The following AVEN variants were observed in gnomAD, a reference collection of about 807,000 sequenced individuals.
AVEN encodes the protein cell death regulator Aven.
In AVEN, 41 loss-of-function variants were observed where a neutral mutation model predicts 38.1. The observed-to-expected ratio is 1.08, with a 90% CI of 0.84 to 1.40. The LOEUF (loss-of-function observed/expected upper bound fraction) is 1.40. Ranked by LOEUF, AVEN falls within the 40% of genes most tolerant of loss-of-function variation. AVEN has a pLI of 0.00. For synonymous variants in AVEN, 206 were observed against 171.8 expected (o/e 1.20, Z -1.56); for missense variants, 605 against 438.8 (o/e 1.38, Z -3.38).
intron 1 of AVEN, among the ~76,000 whole-genome samples, chr15:34,073,894 C>CAGACATGTACAGCTTAGTTACATGTAG (rs1900681357): frequency 6.6e-6 from 1 of 151,956 alleles, no homozygotes; most frequent in Admixed American, 6.5e-5. Context: ...CTGTTACATG[C>CAGACATGTACAGCTTAGTTACATGTAG]ACCCAGTACA....
intron 5 of AVEN, among the ~76,000 whole-genome samples, chr15:34,055,136 G>A (rs936658830): frequency 1.3e-5 from 2 of 149,002 alleles, no homozygotes; most frequent in Non-Finnish European, 1.5e-5. Context: ...CGATTGCGGT[G>A]AGCCGAGATC....
intron 5 of AVEN, among the ~76,000 whole-genome samples, chr15:34,058,975 C>A (rs886065368): frequency 2.0e-5 from 3 of 152,202 alleles, no homozygotes; most frequent in African/African-American, 4.8e-5. Context: ...TGGCTCACTG[C>A]AACCTCCACC....
At chr15:33,876,511 G>A (rs1238077350) in intron 2 of AVEN, among the ~76,000 whole-genome samples, 2 of 152,184 alleles carry the variant, frequency 1.3e-5, no homozygotes, top group East Asian at 3.9e-4. Flanking sequence ...GGCGGAGGTT[G>A]CAGTGAGCCA....
intron 2 of AVEN, among the ~76,000 whole-genome samples, chr15:33,888,698 G>A (rs1442227748): frequency 1.3e-5 from 2 of 152,006 alleles, no homozygotes; most frequent in East Asian, 1.9e-4. Flanking sequence ...TTTATATCCA[G>A]TGTGATTAAT....
intron 5 of AVEN, among the ~76,000 whole-genome samples, chr15:34,057,393 C>T (rs1242548082): frequency 1.3e-5 from 2 of 151,996 alleles, no homozygotes; most frequent in Non-Finnish European, 1.5e-5. Flanking sequence ...CCACCCACCT[C>T]GGCTTCCCAA....
chr15:34,004,402 G>C (rs1426490618), intron 1 of AVEN, among the ~76,000 whole-genome samples: 2 of 152,152 alleles, frequency 1.3e-5, no homozygotes, highest in Non-Finnish European at 2.9e-5. Flanking sequence ...AGAGGATGGA[G>C]AAACCTATAA....
At chr15:33,860,788 C>A in intron 11 of AVEN, 2 of 769,762 alleles carry the variant, frequency 2.6e-6, no homozygotes, top group Non-Finnish European at 4.2e-6. Flanking sequence ...GTTTTCCATG[C>A]CCTGTTCTCT....
intron 2 of AVEN, among the ~76,000 whole-genome samples, chr15:33,993,393 C>T (rs577849298): frequency 2.0e-4 from 31 of 152,250 alleles, no homozygotes; most frequent in Admixed American, 1.8e-3. Flanking sequence ...ACAACCGTCC[C>T]CTTTCCCATA....
intron 1 of AVEN, among the ~76,000 whole-genome samples, chr15:34,007,864 A>C (rs1183994397): frequency 6.6e-6 from 1 of 152,180 alleles, no homozygotes; most frequent in African/African-American, 2.4e-5. Flanking sequence ...GGTTGCTGGC[A>C]ACCTTAGCAT....
chr15:34,018,603 C>G (rs962304332), intron 1 of AVEN: 1 of 152,228 alleles, frequency 6.6e-6, no homozygotes, highest in Admixed American at 6.5e-5. Context: ...AGTGCAGACC[C>G]AAAGAGTGTG....
At position 33,866,562 on chromosome 15, in the gene AVEN, C is replaced by A; in HGVS notation, c.*51G>T. ...TCCTGAAGGACAGCCTTATGCCCAC[C>A]TGCCGTTAGAAGGCAACCAAGATTT... On this transcript the variant is annotated 3_prime_UTR_variant, in exon 6 of 6. Coordinates refer to ENST00000306730, the MANE Select transcript of AVEN (RefSeq NM_020371.3). 3 of 1,410,838 alleles carry A rather than the reference C, an allele frequency of 2.1e-6. No individual in the cohort carries two copies. The highest frequency in any genetic ancestry group is 3.0e-6 in the Non-Finnish European group (3 of 998,632). The allele number at this position is 1,410,838 out of a possible 1,614,324, so 87.4% of individuals were successfully genotyped here. A position where few individuals can be genotyped will look rare whatever the true frequency, so the allele number is the denominator to read the frequency against.
chr15:33,996,289 A>C (rs1322644892), intron 2 of AVEN, among the ~76,000 whole-genome samples: 1 of 151,844 alleles, frequency 6.6e-6, no homozygotes, highest in East Asian at 1.9e-4. Context: ...ACTTCTGCAG[A>C]CTTAAACGTC....
chr15:33,911,599 G>A (rs921571081), intron 2 of AVEN, among the ~76,000 whole-genome samples: 5 of 151,934 alleles, frequency 3.3e-5, no homozygotes, highest in African/African-American at 1.2e-4. Flanking sequence ...GCTCTCCCAG[G>A]GTCATGATAT....
chr15:33,878,250 G>C (rs188297249), intron 2 of AVEN, among the ~76,000 whole-genome samples: 14 of 152,122 alleles, frequency 9.2e-5, no homozygotes, highest in African/African-American at 2.9e-4. Flanking sequence ...AAATGGTAAA[G>C]AAGTTGTCTT....
At chr15:33,856,719 C>G (rs957897217), downstream of AVEN, 1 of 153,340 alleles carries the variant, frequency 6.5e-6, no homozygotes, top group Non-Finnish European at 1.4e-5. Flanking sequence ...AGTGCAGTGG[C>G]GCGATCTCAG....
intron 2 of AVEN, among the ~76,000 whole-genome samples, chr15:33,983,674 C>T (rs1017220098): frequency 1.3e-5 from 2 of 152,058 alleles, no homozygotes; most frequent in African/African-American, 2.4e-5. Context: ...GAAGCTTACT[C>T]GCATCGTCTT....
At chr15:33,862,175 GCTCTTC>G (rs1888498810), downstream of AVEN, among the ~76,000 whole-genome samples, 1 of 151,538 alleles carries the variant, frequency 6.6e-6, no homozygotes, top group African/African-American at 2.4e-5. Context: ...CCCCAGCCTA[GCTCTTC>G]CCCCTTCTCT....
chr15:34,046,035 T>C (rs781673886), intron 5 of AVEN, among the ~76,000 whole-genome samples: 1 of 152,200 alleles, frequency 6.6e-6, no homozygotes, highest in Non-Finnish European at 1.5e-5. Flanking sequence ...ATGGGAACTG[T>C]TAAAGTTTGA....
At chr15:34,011,331 C>A (rs187233198) in intron 1 of AVEN, among the ~76,000 whole-genome samples, 50 of 151,934 alleles carry the variant, frequency 3.3e-4, no homozygotes, top group Non-Finnish European at 5.7e-4. Flanking sequence ...CAAAAAAGGG[C>A]GTTTCCATTT....
Sources: allele counts gnomAD v4.1 joint callset (sites outside exome capture counted in the v4.1 genomes callset), GRCh38; gene constraint gnomAD v4.1.1; transcripts MANE v1.5; gene names NCBI Gene and HGNC (gene_info 2026-07-23, HGNC 2026-07-21).